Variants in CDH12 observed in about 807,000 individuals in gnomAD.
CDH12 encodes cadherin 12, also known as cadherin-12.
In CDH12, 41 loss-of-function variants were observed where a neutral mutation model predicts 74.1. That is an observed-to-expected ratio of 0.55 (90% CI 0.43 to 0.72). The LOEUF is 0.72. Ranked by LOEUF, CDH12 falls within the 30% of genes least tolerant of loss-of-function variation. The pLI, the probability that CDH12 is intolerant of heterozygous loss-of-function variation, is 0.00. For synonymous variants in CDH12, 399 were observed against 355.0 expected (o/e 1.12, Z -1.39); for missense variants, 945 against 977.2 (o/e 0.97, Z 0.44).
intron 6 of CDH12, among the ~76,000 whole-genome samples, chr5:21,878,224 G>A (rs1752041337): frequency 6.6e-6 from 1 of 152,146 alleles, no homozygotes; most frequent in African/African-American, 2.4e-5. Context: ...CAGTAATTTA[G>A]GGTGGTATTT....
At chr5:22,687,017 C>A (rs1741833477) in intron 1 of CDH12, among the ~76,000 whole-genome samples, 1 of 152,236 alleles carries the variant, frequency 6.6e-6, no homozygotes, top group South Asian at 2.1e-4. Flanking sequence ...AAAAATGGGC[C>A]AGGTGCGGTG....
At chr5:22,430,087 C>T (rs143349334) in intron 2 of CDH12, among the ~76,000 whole-genome samples, 1 of 152,104 alleles carries the variant, frequency 6.6e-6, no homozygotes, top group Admixed American at 6.6e-5. Flanking sequence ...CCCTAAGATA[C>T]TTTTACTACT....
chr5:22,546,485 G>A (rs1161758510), intron 1 of CDH12, among the ~76,000 whole-genome samples: 1 of 152,058 alleles, frequency 6.6e-6, no homozygotes, highest in Non-Finnish European at 1.5e-5. Context: ...CATATATCAG[G>A]TCAGTTTAAT....
chr5:22,337,707 C>A (rs933029707), intron 3 of CDH12, among the ~76,000 whole-genome samples: 2 of 152,152 alleles, frequency 1.3e-5, no homozygotes, highest in Non-Finnish European at 2.9e-5. Flanking sequence ...ATTGCCCAGT[C>A]TTCATATGTC....
At chr5:21,827,338 T>C (rs914368154) in intron 8 of CDH12, among the ~76,000 whole-genome samples, 1 of 139,828 alleles carries the variant, frequency 7.2e-6, no homozygotes, top group African/African-American at 2.8e-5. Context: ...TTGGGCACAC[T>C]TGAGGAAAGT....
intron 1 of CDH12, among the ~76,000 whole-genome samples, chr5:22,605,892 C>T (rs1186427225): frequency 6.6e-6 from 1 of 152,228 alleles, no homozygotes; most frequent in Non-Finnish European, 1.5e-5. Flanking sequence ...GGGTCATCTG[C>T]ATCTCCATCT....
intron 4 of CDH12, among the ~76,000 whole-genome samples, chr5:22,089,686 A>G (rs1743298571): frequency 6.6e-6 from 1 of 152,180 alleles, no homozygotes; most frequent in African/African-American, 2.4e-5. Context: ...TCTTCATCTA[A>G]GATATAATTA....
At chr5:22,719,544 A>G (rs1237029838) in intron 1 of CDH12, among the ~76,000 whole-genome samples, 1 of 152,088 alleles carries the variant, frequency 6.6e-6, no homozygotes, top group Non-Finnish European at 1.5e-5. Flanking sequence ...GGCCAGGTGC[A>G]TGGTTCAGAG....
intron 3 of CDH12, among the ~76,000 whole-genome samples, chr5:22,218,455 T>G (rs1751900364): frequency 6.6e-6 from 1 of 151,730 alleles, no homozygotes; most frequent in Non-Finnish European, 1.5e-5. Flanking sequence ...ATGATTATGC[T>G]GATATAAAAC....
At chr5:22,588,906 T>C (rs942773969) in intron 1 of CDH12, among the ~76,000 whole-genome samples, 4 of 152,212 alleles carry the variant, frequency 2.6e-5, no homozygotes, top group Non-Finnish European at 5.9e-5. Context: ...TTTTCTTTTC[T>C]TTGTAAGATC....
At chr5:21,881,112 G>A (rs1277252455) in intron 6 of CDH12, among the ~76,000 whole-genome samples, 3 of 151,704 alleles carry the variant, frequency 2.0e-5, no homozygotes, top group Admixed American at 1.3e-4. Context: ...AGAATATAAG[G>A]TATAAAAATG....
At chr5:22,458,297 T>C (rs1467333672) in intron 2 of CDH12, among the ~76,000 whole-genome samples, 5 of 152,134 alleles carry the variant, frequency 3.3e-5, no homozygotes, top group Non-Finnish European at 7.4e-5. Context: ...TTTTTGCATA[T>C]CTCTGTCCTC....
chr5:21,971,183 A>C (rs1046784595), intron 6 of CDH12, among the ~76,000 whole-genome samples: 3 of 152,142 alleles, frequency 2.0e-5, no homozygotes, highest in African/African-American at 7.2e-5. Context: ...CCAAATTCTT[A>C]AGTAGATCAT....
In CDH12 at chr5:22,040,918, A is replaced by G. The variant is rs545170943; in HGVS notation, c.231+37528T>C. On this transcript the variant is annotated intron_variant, in intron 5 of 14. Coordinates refer to ENST00000382254, the MANE Select transcript of CDH12 (RefSeq NM_004061.5). ...AAATTGAGAATACCCCAAGGCTGTT[A>G]TAGTACTATATAAATCATATATACA... Among the ~76,000 whole-genome samples, 51 of 152,296 alleles carry G rather than the reference A, an allele frequency of 3.3e-4. 1 individual carries two copies. The East Asian group carries it at 9.1e-3, about 27-fold the overall frequency.
At chr5:22,578,097 T>C (rs1405071752) in intron 1 of CDH12, among the ~76,000 whole-genome samples, 2 of 152,216 alleles carry the variant, frequency 1.3e-5, no homozygotes, top group African/African-American at 4.8e-5. Context: ...GTCATCACTC[T>C]TACTATTCAT....
At position 21,996,765 on chromosome 5, in the gene CDH12, G is replaced by A. The variant is rs189294382; in HGVS notation, c.232-21380C>T. Among the ~76,000 whole-genome samples, 407 of 152,184 alleles carry A rather than the reference G, an allele frequency of 2.7e-3. 4 individuals carry two copies. The highest frequency in any genetic ancestry group is 9.2e-3 in the African/African-American group (384 of 41,532). ...CAGATAAAATACATTACATTAAATG[G>A]ATTTCATATGTAAATGTGTTACCGC... On this transcript the variant is annotated intron_variant, in intron 5 of 14. Coordinates refer to ENST00000382254, the MANE Select transcript of CDH12 (RefSeq NM_004061.5).
At position 22,344,420 on chromosome 5, in the gene CDH12, T is replaced by G. The variant is rs144024623; in HGVS notation, c.-333+60837A>C. Among the ~76,000 whole-genome samples, 860 of 152,300 alleles carry G rather than the reference T, an allele frequency of 5.6e-3. 7 individuals carry two copies. Among genetic ancestry groups the G allele is most frequent in the African/African-American group, 0.02 (830 of 41,566 alleles). ...GATTAATAATAAAATAATAACAATA[T>G]GAATGTGTTGATTGATTTGAAAATC... On this transcript the variant is annotated intron_variant, in intron 3 of 14. Coordinates refer to ENST00000382254, the MANE Select transcript of CDH12 (RefSeq NM_004061.5).
At chr5:22,285,722 G>T (rs888797122) in intron 3 of CDH12, among the ~76,000 whole-genome samples, 5 of 152,052 alleles carry the variant, frequency 3.3e-5, no homozygotes, top group African/African-American at 4.8e-5. Flanking sequence ...AGTTCTGAAA[G>T]ATATCATTTT....
chr5:22,373,563 C>T (rs966145403), intron 3 of CDH12, among the ~76,000 whole-genome samples: 4 of 152,184 alleles, frequency 2.6e-5, no homozygotes, highest in African/African-American at 7.2e-5. Flanking sequence ...AACACTGCTA[C>T]CACCACTGGT....
Sources: gnomAD v4.1 joint callset for allele counts (sites outside exome capture counted in the v4.1 genomes callset) on GRCh38, gnomAD v4.1.1 for gene constraint, MANE v1.5 for transcripts, NCBI Gene and HGNC (gene_info 2026-07-23, HGNC 2026-07-21) for gene names.